Variants in XIRP2 observed in about 807,000 individuals in gnomAD.
The protein encoded by XIRP2 is xin actin-binding repeat-containing protein 2.
In XIRP2, 236 loss-of-function variants were observed where a neutral mutation model predicts 277.0. The ratio of observed to expected loss-of-function variants is 0.85; its 90% CI spans 0.77 to 0.95. XIRP2 has a LOEUF of 0.95. Ranked by LOEUF, XIRP2 falls within the 40% of genes least tolerant of loss-of-function variation. XIRP2 has a pLI of 0.00. For missense variants in XIRP2, 4,640 were observed against 4,157.5 expected (o/e 1.12, Z -3.19); for synonymous variants, 1,490 against 1,416.5 (o/e 1.05, Z -1.17).
At chr2:166,975,752 C>T (rs1041198380) in intron 2 of XIRP2, among the ~76,000 whole-genome samples, 3 of 151,374 alleles carry the variant, frequency 2.0e-5, no homozygotes, top group Admixed American at 6.6e-5. Flanking sequence ...GGTGAAACCC[C>T]GTCTCTACTA....
At position 167,242,480 on chromosome 2, in the gene XIRP2, T is replaced by C. The variant is rs1695100889; in HGVS notation, c.1177-89T>C. ...TCCCAATGGAGATATCATAGGAGGGTCCAGGTTACAGACCAATGAAGGGCA... is the reference window on the plus strand; with the variant it reads ...TCCCAATGGAGATATCATAGGAGGGCCCAGGTTACAGACCAATGAAGGGCA... On this transcript the variant is annotated intron_variant, in intron 8 of 10. Transcript: ENST00000409195. The C allele has an allele frequency of 2.2e-6, 3 of 1,360,474 alleles. No individual in the cohort carries two copies. In the South Asian group the frequency reaches 4.3e-5, roughly 19 times the overall value. The allele number at this position is 1,360,474 out of a possible 1,614,324, so 84.3% of individuals were successfully genotyped here.
At chr2:166,928,713 G>A (rs1228903245) in intron 2 of XIRP2, among the ~76,000 whole-genome samples, 1 of 152,096 alleles carries the variant, frequency 6.6e-6, no homozygotes, top group African/African-American at 2.4e-5. Flanking sequence ...GCAACTGGCT[G>A]TCTTTAAATA....
At chr2:167,185,518 A>G (rs544139814) in intron 3 of XIRP2, among the ~76,000 whole-genome samples, 3 of 152,234 alleles carry the variant, frequency 2.0e-5, no homozygotes, top group African/African-American at 7.2e-5. Context: ...TAAAATGGAA[A>G]GAGTAAGCAG....
intron 3 of XIRP2, among the ~76,000 whole-genome samples, chr2:167,186,388 A>G (rs2105361620): frequency 6.6e-6 from 1 of 152,330 alleles, no homozygotes; most frequent in South Asian, 2.1e-4. Context: ...CAGCTTACAA[A>G]TAGGCATTTT....
intron 2 of XIRP2, among the ~76,000 whole-genome samples, chr2:166,924,492 T>A (rs1381537645): frequency 6.6e-6 from 1 of 152,004 alleles, no homozygotes; most frequent in Admixed American, 6.6e-5. Flanking sequence ...TTTTTTTGAA[T>A]TTTTTTCTTT....
chr2:166,918,152 G>A (rs1199873036), intron 2 of XIRP2, among the ~76,000 whole-genome samples: 1 of 152,192 alleles, frequency 6.6e-6, no homozygotes, highest in Non-Finnish European at 1.5e-5. Flanking sequence ...TCACTTAGGT[G>A]AGGTAATTTC....
At chr2:166,910,951 A>G (rs1444250660) in intron 2 of XIRP2, among the ~76,000 whole-genome samples, 1 of 152,122 alleles carries the variant, frequency 6.6e-6, no homozygotes, top group Non-Finnish European at 1.5e-5. Flanking sequence ...CCTGAGCTCT[A>G]GTTTGATTGC....
chr2:167,168,899 C>A (rs147963218), intron 3 of XIRP2, among the ~76,000 whole-genome samples: 1 of 152,202 alleles, frequency 6.6e-6, no homozygotes, highest in Non-Finnish European at 1.5e-5. Context: ...TCTGATCTTG[C>A]ATGCGCTCTT....
intron 2 of XIRP2, among the ~76,000 whole-genome samples, chr2:167,048,188 T>C (rs1688835182): frequency 6.6e-6 from 1 of 151,960 alleles, no homozygotes; most frequent in African/African-American, 2.4e-5. Flanking sequence ...CTTATGCATA[T>C]TCCATTCTTC....
intron 5 of XIRP2, among the ~76,000 whole-genome samples, chr2:167,224,509 G>A (rs1288929463): frequency 6.6e-6 from 1 of 151,910 alleles, no homozygotes; most frequent in East Asian, 1.9e-4. Context: ...GCCTCCCAAA[G>A]TGCTGGAATT....
intron 1 of XIRP2, among the ~76,000 whole-genome samples, chr2:166,902,192 AT>A (rs1276295584): frequency 6.6e-6 from 1 of 152,120 alleles, no homozygotes; most frequent in African/African-American, 2.4e-5. Flanking sequence ...CATTACATCA[AT>A]TTAGTGGGCA....
At position 167,073,591 on chromosome 2, in the gene XIRP2, A is replaced by T. The variant is rs147573336; in HGVS notation, c.409-62318A>T. Reference sequence around the variant, plus strand: ...ATTATTTAGTTTCTCATTAAGATTCAGTCCTTCCTTTCTAGCAAATGTCTA... The same window carrying T: ...ATTATTTAGTTTCTCATTAAGATTCTGTCCTTCCTTTCTAGCAAATGTCTA... On this transcript the variant is annotated intron_variant, in intron 2 of 10. Transcript: ENST00000409195. Among the ~76,000 whole-genome samples, 49 of 152,240 alleles carry T rather than the reference A, an allele frequency of 3.2e-4. No homozygotes were observed. In the East Asian group the frequency reaches 9.3e-3, roughly 29 times the overall value.
intron 2 of XIRP2, among the ~76,000 whole-genome samples, chr2:166,928,934 A>G (rs1361313132): frequency 6.6e-6 from 1 of 152,058 alleles, no homozygotes; most frequent in Non-Finnish European, 1.5e-5. Flanking sequence ...ATCTTACTAC[A>G]GTTCCTTAGA....
intron 2 of XIRP2, among the ~76,000 whole-genome samples, chr2:167,058,182 C>T (rs1689087112): frequency 6.6e-6 from 1 of 151,994 alleles, no homozygotes; most frequent in South Asian, 2.1e-4. Flanking sequence ...CCCATCTCTG[C>T]CTCCTGAGTA....
At chr2:166,929,940 T>G (rs1054781947) in intron 2 of XIRP2, among the ~76,000 whole-genome samples, 1 of 152,168 alleles carries the variant, frequency 6.6e-6, no homozygotes, top group African/African-American at 2.4e-5. Flanking sequence ...AAGATCAGAT[T>G]ACATCAGAAT....
intron 2 of XIRP2, among the ~76,000 whole-genome samples, chr2:167,066,415 A>G (rs916291415): frequency 1.3e-5 from 2 of 152,018 alleles, no homozygotes; most frequent in African/African-American, 4.8e-5. Context: ...ACATCAAAAC[A>G]ACGATGAAAT....
chr2:166,986,969 TTTA>T (rs1277678188), intron 2 of XIRP2, among the ~76,000 whole-genome samples: 1 of 152,230 alleles, frequency 6.6e-6, no homozygotes, highest in Non-Finnish European at 1.5e-5. Context: ...TTTATTTCAC[TTTA>T]TTGTCAGGCA....
intron 2 of XIRP2, among the ~76,000 whole-genome samples, chr2:167,039,123 T>G (rs2105517253): frequency 6.6e-6 from 1 of 152,234 alleles, no homozygotes; most frequent in Admixed American, 6.5e-5. Context: ...GATATATACA[T>G]ACACATAGAC....
At chr2:167,199,555 T>C (rs1693618679) in intron 3 of XIRP2, among the ~76,000 whole-genome samples, 2 of 152,218 alleles carry the variant, frequency 1.3e-5, no homozygotes, top group Admixed American at 6.5e-5. Context: ...GTCATCCCCA[T>C]CTACCAATGC....
Sources: gnomAD v4.1 joint callset for allele counts (sites outside exome capture counted in the v4.1 genomes callset) on GRCh38, gnomAD v4.1.1 for gene constraint, MANE v1.5 for transcripts, NCBI Gene and HGNC (gene_info 2026-07-23, HGNC 2026-07-21) for gene names.